The following KRT86 variants were observed in gnomAD, a reference collection of about 807,000 sequenced individuals.
The protein encoded by KRT86 is keratin 86, also known as keratin, type II cuticular Hb6.
A neutral mutation model predicts 41.2 loss-of-function variants in KRT86; 30 were observed. The observed-to-expected ratio is 0.73, with a 90% CI of 0.54 to 0.99. The LOEUF (loss-of-function observed/expected upper bound fraction) is 0.99, where lower values mean the gene tolerates loss of function less well. Ranked by LOEUF, KRT86 falls within the 50% of genes least tolerant of loss-of-function variation. KRT86 has a pLI of 0.00. For missense variants in KRT86, 561 were observed against 571.4 expected, an observed-to-expected ratio of 0.98 and a Z score of 0.19; for synonymous variants, 238 against 238.1, an observed-to-expected ratio of 1.00 and a Z score of 0.00.
intron 2 of KRT86, chr12:52,279,020 C>CT (rs1398750909): frequency 6.6e-6 from 1 of 152,370 alleles, no homozygotes; most frequent in Non-Finnish European, 1.5e-5. Flanking sequence ...GTCTGCAAGT[C>CT]TGTCTTCTGG....
intron 5 of KRT86, 104 bp downstream of exon 5, chr12:52,304,275 AC>A (rs1450943721): frequency 1.2e-5 from 3 of 246,266 alleles, no homozygotes; most frequent in African/African-American, 1.2e-4. Flanking sequence ...GGGCACAATG[AC>A]CTTTCCACAG....
chr12:52,295,287 G>T (rs1216843508), intron 2 of KRT86, among the ~76,000 whole-genome samples: 3 of 151,884 alleles, frequency 2.0e-5, no homozygotes, highest in Non-Finnish European at 4.4e-5. Flanking sequence ...TTTTACAGTT[G>T]CCCTCTGAGG....
chr12:52,284,460 G>A (rs959406652), intron 2 of KRT86, among the ~76,000 whole-genome samples: 1 of 152,210 alleles, frequency 6.6e-6, no homozygotes, highest in Non-Finnish European at 1.5e-5. Context: ...AAAGTGTTGA[G>A]ATTATAGGTG....
At chr12:52,282,063 C>G (rs1001870986) in intron 2 of KRT86, among the ~76,000 whole-genome samples, 1 of 150,118 alleles carries the variant, frequency 6.7e-6, no homozygotes, top group African/African-American at 2.5e-5. Context: ...GTTTTCTTCC[C>G]TACTTAGTCC....
At chr12:52,292,499 T>A (rs1938151617) in intron 2 of KRT86, among the ~76,000 whole-genome samples, 1 of 152,220 alleles carries the variant, frequency 6.6e-6, no homozygotes, top group South Asian at 2.1e-4. Flanking sequence ...GATGTCCAAT[T>A]TGGTAGACAA....
At chr12:52,301,838 A>G in intron 2 of KRT86, 75 bp from the exon 3 acceptor site, 1 of 1,613,162 alleles carries the variant, frequency 6.2e-7, no homozygotes, top group Non-Finnish European at 8.5e-7. Context: ...CAAGTAGTGA[A>G]CGCCTGACGC....
intron 2 of KRT86, chr12:52,288,434 C>A: frequency 1.2e-6 from 2 of 1,614,140 alleles, no homozygotes; most frequent in East Asian, 2.2e-5. Context: ...GTCTGACTTG[C>A]GGAGGTAGGC....
At chr12:52,304,615 C>G (rs1323002669) in intron 5 of KRT86, among the ~76,000 whole-genome samples, 1 of 151,294 alleles carries the variant, frequency 6.6e-6, no homozygotes, top group Admixed American at 6.6e-5. Flanking sequence ...TGCTGGGGGA[C>G]AGGAAAGGGT....
At position 52,304,975 on chromosome 12, in the gene KRT86, A is replaced by G; in HGVS notation, c.683A>G (p.Asn228Ser). 2 of 1,614,150 alleles carry G rather than the reference A, an allele frequency of 1.2e-6. No individual in the cohort carries two copies. Among genetic ancestry groups the G allele is most frequent in the Non-Finnish European group, 1.7e-6 (2 of 1,180,018 alleles). ...CTCCGCAAATCAGACCTGGAGGCCA[A>G]TGTGGAGGCCCTGATCCAGGAGATC... ...AYLRKSDLEA[N>S]VEALIQEIDF... The change falls in exon 6 of 11, where the codon AAT becomes AGT. Residue 228 changes from asparagine to serine, a missense_variant. Physicochemically the swap from Asn to Ser is conservative, Grantham distance 46. Coordinates refer to ENST00000423955, the MANE Select transcript of KRT86 (RefSeq NM_001320198.2).
chr12:52,294,028 TG>T (rs1402016686), intron 2 of KRT86, among the ~76,000 whole-genome samples: 1 of 152,150 alleles, frequency 6.6e-6, no homozygotes, highest in Non-Finnish European at 1.5e-5. Context: ...AGGACAAATG[TG>T]GGAGGTCACA....
At chr12:52,280,212 C>G (rs1476844427) in intron 2 of KRT86, among the ~76,000 whole-genome samples, 2 of 152,138 alleles carry the variant, frequency 1.3e-5, no homozygotes, top group Non-Finnish European at 2.9e-5. Flanking sequence ...GCTGTGAAAT[C>G]AGACGGAGGC....
intron 10 of KRT86, 56 bp from the exon 11 acceptor site, chr12:52,308,348 C>T (rs1278360709): frequency 5.6e-6 from 9 of 1,612,462 alleles, no homozygotes; most frequent in Admixed American, 3.3e-5. Context: ...GCAGCAAAGC[C>T]ACTCACCCAG....
chr12:52,285,185 A>C (rs1937885410), intron 2 of KRT86, among the ~76,000 whole-genome samples: 1 of 152,174 alleles, frequency 6.6e-6, no homozygotes, highest in Non-Finnish European at 1.5e-5. Context: ...GAGAGGGTAA[A>C]TACATTGCCC....
At chr12:52,278,261 CCTAT>C (rs1937684076) in intron 2 of KRT86, among the ~76,000 whole-genome samples, 1 of 152,108 alleles carries the variant, frequency 6.6e-6, no homozygotes, top group Non-Finnish European at 1.5e-5. Flanking sequence ...GCAGGGAGGT[CCTAT>C]TATCCCCATT....
At chr12:52,291,566 C>A in intron 2 of KRT86, 1 of 1,527,652 alleles carries the variant, frequency 6.5e-7, no homozygotes, top group Non-Finnish European at 8.9e-7. Flanking sequence ...CCTATTTATG[C>A]GCAGATTCTG....
chr12:52,304,845 A>AGGCTTCATGGAATG (rs1565749166), intron 5 of KRT86, 87 bp from the exon 6 acceptor site: 1 of 1,447,490 alleles, frequency 6.9e-7, no homozygotes, highest in African/African-American at 1.4e-5. Context: ...TCCTTTCCCC[A>AGGCTTCATGGAATG]GGCTTCATGG....
At chr12:52,300,643 T>C (rs139126045) in intron 2 of KRT86, among the ~76,000 whole-genome samples, 10 of 152,354 alleles carry the variant, frequency 6.6e-5, no homozygotes, top group South Asian at 2.1e-4. Flanking sequence ...CATACAAATA[T>C]AGATCTGTTC....
At chr12:52,286,819 T>A (rs1937957255) in intron 2 of KRT86, 1 of 1,613,808 alleles carries the variant, frequency 6.2e-7, no homozygotes, top group Admixed American at 1.7e-5. Context: ...TGCCTTCACA[T>A]AGCCTGAGGG....
At chr12:52,288,807 C>G (rs566003800) in intron 2 of KRT86, among the ~76,000 whole-genome samples, 2 of 152,124 alleles carry the variant, frequency 1.3e-5, no homozygotes, top group Non-Finnish European at 2.9e-5. Flanking sequence ...AGTGGCTGCT[C>G]CTGGTTCTTC....
Sources: allele counts gnomAD v4.1 joint callset (sites outside exome capture counted in the v4.1 genomes callset), GRCh38; gene constraint gnomAD v4.1.1; transcripts MANE v1.5; gene names NCBI Gene and HGNC (gene_info 2026-07-23, HGNC 2026-07-21).